Variants in CRACD observed in about 807,000 individuals in gnomAD.
CRACD encodes capping protein inhibiting regulator of actin dynamics.
In CRACD, 56 loss-of-function variants were observed where a neutral mutation model predicts 106.8. That is an observed-to-expected ratio of 0.52 (90% confidence interval 0.42 to 0.66). The LOEUF (loss-of-function observed/expected upper bound fraction) is 0.66, where lower values mean the gene tolerates loss of function less well. CRACD is among the 30% of genes least tolerant of loss of function. The pLI is 0.00. For synonymous variants in CRACD, 754 were observed against 670.8 expected (o/e 1.12, Z -1.92); for missense variants, 1,730 against 1,623.2 (o/e 1.07, Z -1.13).
chr4:56,111,072 A>G (rs1367368804), intron 1 of CRACD, among the ~76,000 whole-genome samples: 1 of 44,842 alleles, frequency 2.2e-5, no homozygotes, highest in Non-Finnish European at 3.8e-5. Context: ...AGAAAAATTA[A>G]AAAAGGAAAA....
At chr4:56,199,288 T>TA (rs752457251) in intron 2 of CRACD, among the ~76,000 whole-genome samples, 4 of 152,222 alleles carry the variant, frequency 2.6e-5, no homozygotes, top group African/African-American at 4.8e-5. Flanking sequence ...AGCAGGCCAC[T>TA]AGCTCCAATT....
intron 3 of CRACD, among the ~76,000 whole-genome samples, chr4:56,288,209 A>T (rs1577861468): frequency 6.6e-6 from 1 of 151,664 alleles, no homozygotes; most frequent in East Asian, 1.9e-4. Flanking sequence ...TCTTCTTCTT[A>T]CCTTCCTCCT....
chr4:56,309,629 G>A (rs957209030), intron 5 of CRACD, among the ~76,000 whole-genome samples: 5 of 152,204 alleles, frequency 3.3e-5, no homozygotes, highest in South Asian at 4.1e-4. Context: ...CGAGGTGGGC[G>A]GGTCACCTGA....
chr4:56,191,736 A>G (rs998120598), intron 2 of CRACD, among the ~76,000 whole-genome samples: 1 of 152,208 alleles, frequency 6.6e-6, no homozygotes, highest in African/African-American at 2.4e-5. Flanking sequence ...CCCAACCACC[A>G]TGTACGACGT....
intron 1 of CRACD, among the ~76,000 whole-genome samples, chr4:56,178,466 T>C (rs1292903186): frequency 6.6e-6 from 1 of 152,244 alleles, no homozygotes; most frequent in South Asian, 2.1e-4. Context: ...GCTGTCTTGG[T>C]AGTCCTCCGA....
At chr4:56,182,060 T>C (rs1032537596) in intron 2 of CRACD, among the ~76,000 whole-genome samples, 1 of 152,088 alleles carries the variant, frequency 6.6e-6, no homozygotes, top group African/African-American at 2.4e-5. Context: ...CTCAAATAAC[T>C]TGCCCAAGAT....
intron 2 of CRACD, among the ~76,000 whole-genome samples, chr4:56,226,220 G>A (rs758506314): frequency 5.3e-5 from 8 of 152,140 alleles, no homozygotes; most frequent in Admixed American, 3.9e-4. Context: ...CCCAGAGGAG[G>A]CACGTTATAA....
chr4:56,305,510 C>T (rs1362360001), intron 4 of CRACD, among the ~76,000 whole-genome samples: 1 of 140,390 alleles, frequency 7.1e-6, no homozygotes, highest in African/African-American at 2.7e-5. Flanking sequence ...CTAACCATGC[C>T]TGCTTATTGA....
intron 3 of CRACD, among the ~76,000 whole-genome samples, chr4:56,274,880 C>A (rs530863638): frequency 9.2e-5 from 14 of 152,272 alleles, no homozygotes; most frequent in African/African-American, 2.9e-4. Flanking sequence ...TAGAGTCAAC[C>A]TAAATACCCA....
chr4:56,250,204 C>A (rs371944796), intron 2 of CRACD, among the ~76,000 whole-genome samples: 20 of 151,484 alleles, frequency 1.3e-4, no homozygotes, highest in East Asian at 5.8e-4. Context: ...TTTCTTTTCT[C>A]TTTTTTGATA....
At chr4:56,214,681 C>CTCTCTATA in intron 2 of CRACD, among the ~76,000 whole-genome samples, 993 of 80,992 alleles carry the variant, frequency 0.012, 40 homozygotes, top group South Asian at 0.031. Flanking sequence ...CTCTCTCTCT[C>CTCTCTATA]TATATATATA....
chr4:56,057,773 G>A (rs1400111273), intron 1 of CRACD, among the ~76,000 whole-genome samples: 9 of 146,484 alleles, frequency 6.1e-5, no homozygotes, highest in Non-Finnish European at 9.0e-5. Flanking sequence ...ACAGGTGTGC[G>A]CCACCACACC....
At chr4:56,091,613 G>T (rs1205192332) in intron 1 of CRACD, among the ~76,000 whole-genome samples, 3 of 152,134 alleles carry the variant, frequency 2.0e-5, no homozygotes, top group African/African-American at 7.2e-5. Context: ...GGATGATCCT[G>T]CACTGGGCGT....
chr4:56,313,556 T>G (rs569390117), intron 7 of CRACD, among the ~76,000 whole-genome samples, 177 bp downstream of exon 7: 1 of 152,346 alleles, frequency 6.6e-6, no homozygotes, highest in East Asian at 1.9e-4. Flanking sequence ...CCTCGCCCTT[T>G]CTGGCATGAG....
chr4:56,049,983 G>C (rs1459515703), intron 1 of CRACD: 1 of 151,610 alleles, frequency 6.6e-6, no homozygotes, highest in South Asian at 2.1e-4. Flanking sequence ...CTGTAGTGGC[G>C]AGATTGGACC....
At chr4:56,137,176 A>C (rs141316406) in intron 1 of CRACD, among the ~76,000 whole-genome samples, 1 of 152,070 alleles carries the variant, frequency 6.6e-6, no homozygotes, top group Admixed American at 6.6e-5. Flanking sequence ...GCATGCCTGT[A>C]ATCTCGATGA....
intron 3 of CRACD, among the ~76,000 whole-genome samples, chr4:56,273,308 T>TCTTC (rs1224412354): frequency 1.2e-3 from 186 of 150,908 alleles, no homozygotes; most frequent in African/African-American, 3.0e-3. Context: ...TTCCTTCCTT[T>TCTTC]CTTCCTTCCT....
intron 1 of CRACD, among the ~76,000 whole-genome samples, chr4:56,052,286 A>G (rs1056394197): frequency 6.6e-6 from 1 of 152,214 alleles, no homozygotes; most frequent in African/African-American, 2.4e-5. Context: ...TCATGAAGTA[A>G]TGCTTAGACT....
chr4:56,270,931 C>CAG (rs1487501106), intron 2 of CRACD, among the ~76,000 whole-genome samples: 2 of 151,400 alleles, frequency 1.3e-5, no homozygotes. Context: ...AACACACACA[C>CAG]ACACACACAC....
Sources: gnomAD v4.1 joint callset for allele counts (sites outside exome capture counted in the v4.1 genomes callset) on GRCh38, gnomAD v4.1.1 for gene constraint, MANE v1.5 for transcripts, NCBI Gene and HGNC (gene_info 2026-07-23, HGNC 2026-07-21) for gene names.